The following ODF2 variants were observed in gnomAD, a reference collection of about 807,000 sequenced individuals.
The protein encoded by ODF2 is outer dense fiber of sperm tails 2.
A neutral mutation model predicts 110.2 loss-of-function variants in ODF2; 47 were observed. The observed-to-expected ratio is 0.43, with a 90% confidence interval of 0.34 to 0.54. ODF2 has a LOEUF of 0.54. Among genes scored for constraint, ODF2 ranks in the 20% least tolerant of loss-of-function variants. ODF2 has a pLI of 0.03. For missense variants in ODF2, 812 were observed against 1,054.5 expected (o/e 0.77, Z 3.19); for synonymous variants, 352 against 397.7 (o/e 0.89, Z 1.37).
chr9:128,456,253 C>A (rs1297096259), exon 1 of ODF2: 4 of 1,538,370 alleles, frequency 2.6e-6, no homozygotes, highest in Non-Finnish European at 3.5e-6. Flanking sequence ...CGTGTCGCTC[C>A]TGGTGAGAGG....
chr9:128,481,452 G>T, intron 8 of ODF2, 128 bp from the exon 9 acceptor site: 1 of 623,568 alleles, frequency 1.6e-6, no homozygotes, highest in Non-Finnish European at 2.7e-6. Context: ...ACTCCAGCCT[G>T]GGCAACAGAG....
At chr9:128,499,873 G>A in intron 20 of ODF2, among the ~76,000 whole-genome samples, 194 bp from the exon 21 acceptor site, 1 of 152,144 alleles carries the variant, frequency 6.6e-6, no homozygotes, top group Non-Finnish European at 1.5e-5. Context: ...ACCTCCCGAA[G>A]TGTTGGGATT....
Position 128,461,120 on chromosome 9 carries a change from G to A in ODF2, c.249+53G>A, listed in dbSNP as rs1348367112. 3 of 1,590,246 alleles carry A rather than the reference G, an allele frequency of 1.9e-6. No individual in the cohort carries two copies. In the African/African-American group the frequency reaches 4.0e-5, roughly 21 times the overall value. ...TTCTCGGACTGCTCAGATCCTAGCA[G>A]GCCTCAGCCTCGGTATGATTCAGGG... is the stretch of plus-strand genomic sequence containing the variant. On this transcript the variant is annotated intron_variant, in intron 4 of 20. Transcript: ENST00000604420.
chr9:128,494,398 G>A lies in ODF2; in HGVS notation c.1753-112G>A. 1.1e-6 allele frequency: 1 copy of A among 905,484 alleles called. No homozygotes were observed. Among genetic ancestry groups the A allele is most frequent in the South Asian group, 1.6e-5 (1 of 61,688 alleles). 56.1% of individuals were successfully genotyped at this position (905,484 alleles called of 1,614,324 possible). On this transcript the variant is annotated intron_variant, in intron 16 of 20. Coordinates refer to ENST00000604420, the Ensembl canonical transcript of ODF2. The surrounding 1 kb of genome is among the most constrained non-coding windows in gnomAD (Gnocchi z 4.6). The stretch of plus-strand genomic sequence containing the variant: ...GGATTTTGCAGGATCCTCCACTGGG[G>A]ACTGTGTCAGCCCTGCCCTAACTCT...
exon 19 of ODF2, chr9:128,498,460 T>A: frequency 6.2e-7 from 1 of 1,612,798 alleles, no homozygotes; most frequent in Non-Finnish European, 8.5e-7. Flanking sequence ...CTACAGGTGA[T>A]TGCCAAGAGG....
At chr9:128,456,636 G>A (rs981631041) in intron 1 of ODF2, 2 of 1,495,076 alleles carry the variant, frequency 1.3e-6, no homozygotes, top group Non-Finnish European at 1.8e-6. Flanking sequence ...CTGCCCGTCG[G>A]CGGCATCGCC....
upstream of ODF2, among the ~76,000 whole-genome samples, chr9:128,455,841 C>T (rs886909424): frequency 1.3e-5 from 2 of 152,158 alleles, no homozygotes; most frequent in Non-Finnish European, 2.9e-5. Context: ...GGCGTCGGAA[C>T]CGTACGCTCC....
intron 14 of ODF2, among the ~76,000 whole-genome samples, chr9:128,490,584 C>G (rs1844342593): frequency 6.6e-6 from 1 of 152,110 alleles, no homozygotes; most frequent in Non-Finnish European, 1.5e-5. Flanking sequence ...CACGCCTGGC[C>G]TTTCCTAGTA....
intron 18 of ODF2, chr9:128,496,364 AG>A: frequency 7.1e-7 from 1 of 1,399,434 alleles, no homozygotes; most frequent in Non-Finnish European, 9.4e-7. Flanking sequence ...CAGCATGATC[AG>A]GATCTGCCCA....
At chr9:128,482,920 G>A (rs757641730) in intron 10 of ODF2, 33 bp downstream of exon 10, 71 of 1,485,094 alleles carry the variant, frequency 4.8e-5, no homozygotes, top group Admixed American at 1.3e-4. Flanking sequence ...TTTTTTAGAC[G>A]GAGTCTCGCT....
upstream of ODF2, chr9:128,456,110 G>C: frequency 1.9e-6 from 3 of 1,547,014 alleles, no homozygotes; most frequent in Non-Finnish European, 2.6e-6. Flanking sequence ...GCTGCCGACC[G>C]GGTGTCGGAA....
intron 8 of ODF2, among the ~76,000 whole-genome samples, chr9:128,474,042 G>A (rs567451739): frequency 6.6e-6 from 1 of 152,238 alleles, no homozygotes; most frequent in Non-Finnish European, 1.5e-5. Context: ...TGAGCTTTTT[G>A]TTCAGTAAGA....
chr9:128,487,149 A>G (rs936130325), intron 13 of ODF2, among the ~76,000 whole-genome samples: 2 of 152,128 alleles, frequency 1.3e-5, no homozygotes, highest in African/African-American at 4.8e-5. Context: ...TGGCACCAGC[A>G]TAGCTCACTG....
intron 7 of ODF2, 93 bp downstream of exon 7, chr9:128,473,135 A>G: frequency 1.3e-6 from 2 of 1,564,478 alleles, no homozygotes; most frequent in Non-Finnish European, 1.7e-6. Context: ...CATCAGGCAG[A>G]CTTTATGACA....
chr9:128,496,192 T>A, intron 18 of ODF2, 51 bp downstream of exon 18: 1 of 1,610,802 alleles, frequency 6.2e-7, no homozygotes, highest in Non-Finnish European at 8.5e-7. Flanking sequence ...CCTGAGACTT[T>A]CAGCCACTTA....
intron 2 of ODF2, among the ~76,000 whole-genome samples, chr9:128,459,227 A>G (rs1835769185): frequency 6.6e-6 from 1 of 151,904 alleles, no homozygotes; most frequent in African/African-American, 2.4e-5. Flanking sequence ...GGGTGCTTCT[A>G]CCCTTGGCCA....
Position 128,473,748 on chromosome 9 carries a change from T to A in ODF2, c.843+7T>A. On this transcript the variant is annotated splice_region_variant and intron_variant, in intron 8 of 20. Transcript: ENST00000604420. Reference sequence around the variant, plus strand: ...GGAACAGCACTGCAAAGAGGTGAGCTTGGGGCCTGGCTCTTTCCCTCCAGC... The same window carrying A: ...GGAACAGCACTGCAAAGAGGTGAGCATGGGGCCTGGCTCTTTCCCTCCAGC... The A allele has an allele frequency of 6.2e-7, 1 of 1,611,108 alleles. No homozygotes were observed. Among genetic ancestry groups the A allele is most frequent in the South Asian group, 1.1e-5 (1 of 90,966 alleles).
chr9:128,490,092 C>T (rs1017499599), intron 14 of ODF2, among the ~76,000 whole-genome samples: 2 of 152,126 alleles, frequency 1.3e-5, no homozygotes, highest in Non-Finnish European at 2.9e-5. Context: ...CACCTGTAAT[C>T]TCAATGTGAG....
At chr9:128,460,872 G>C in intron 3 of ODF2, 70 bp from the exon 4 acceptor site, 5 of 1,601,690 alleles carry the variant, frequency 3.1e-6, no homozygotes, top group Middle Eastern at 3.3e-4. Flanking sequence ...TAGTCGGAGA[G>C]GGATGTCACT....
Sources: gnomAD v4.1 joint callset for allele counts (sites outside exome capture counted in the v4.1 genomes callset) on GRCh38, gnomAD v4.1.1 for gene constraint, Gnocchi (gnomAD v3.1) non-coding constraint, MANE v1.5 for transcripts, NCBI Gene and HGNC (gene_info 2026-07-23, HGNC 2026-07-21) for gene names.